The following CDH10 variants were observed in gnomAD, a reference collection of about 807,000 sequenced individuals.
The protein encoded by CDH10 is cadherin 10, also known as cadherin-10.
In CDH10, 30 loss-of-function variants were observed where a neutral mutation model predicts 73.1. The observed-to-expected ratio is 0.41, with a 90% CI of 0.31 to 0.56. The LOEUF (loss-of-function observed/expected upper bound fraction) is 0.56. CDH10 is among the 20% of genes least tolerant of loss of function. The pLI, the probability that CDH10 is intolerant of heterozygous loss-of-function variation, is 0.27. For synonymous variants in CDH10, 345 were observed against 348.2 expected, an observed-to-expected ratio of 0.99 and a Z score of 0.10; for missense variants, 815 against 973.7, an observed-to-expected ratio of 0.84 and a Z score of 2.17.
chr5:24,557,479 T>C (rs1394154548), intron 2 of CDH10, among the ~76,000 whole-genome samples: 1 of 151,778 alleles, frequency 6.6e-6, no homozygotes, highest in African/African-American at 2.4e-5. Flanking sequence ...ACATATAATT[T>C]CATGCTTAAT....
At chr5:24,507,902 T>C (rs965382585) in intron 7 of CDH10, among the ~76,000 whole-genome samples, 3 of 152,266 alleles carry the variant, frequency 2.0e-5, no homozygotes, top group African/African-American at 7.2e-5. Flanking sequence ...TGTGTGAATA[T>C]AAGAAAACAT....
At chr5:24,501,876 T>C (rs1742509522) in intron 8 of CDH10, among the ~76,000 whole-genome samples, 1 of 152,106 alleles carries the variant, frequency 6.6e-6, no homozygotes. Flanking sequence ...AGTTTATTAT[T>C]AAGTCATTGA....
intron 1 of CDH10, among the ~76,000 whole-genome samples, chr5:24,632,694 G>T (rs1419035845): frequency 6.6e-6 from 1 of 151,892 alleles, no homozygotes; most frequent in Non-Finnish European, 1.5e-5. Context: ...ATAACATAGA[G>T]ATCATTATTA....
intron 1 of CDH10, chr5:24,612,985 T>A (rs1056093679): frequency 6.6e-6 from 1 of 152,168 alleles, no homozygotes; most frequent in African/African-American, 2.4e-5. Context: ...CTCTGAGAGA[T>A]GTAATCCAAA....
intron 2 of CDH10, among the ~76,000 whole-genome samples, chr5:24,564,517 G>A (rs1224533025): frequency 6.6e-6 from 1 of 152,050 alleles, no homozygotes; most frequent in African/African-American, 2.4e-5. Context: ...GCATTCTTGG[G>A]TTCCGTGCTG....
At chr5:24,509,112 A>G (rs563560938) in intron 7 of CDH10, among the ~76,000 whole-genome samples, 3 of 151,618 alleles carry the variant, frequency 2.0e-5, no homozygotes, top group African/African-American at 7.3e-5. Flanking sequence ...TTTGTATACA[A>G]CTTATGGAAT....
intron 1 of CDH10, among the ~76,000 whole-genome samples, chr5:24,608,743 A>G (rs1396639225): frequency 1.3e-5 from 2 of 152,252 alleles, no homozygotes; most frequent in African/African-American, 2.4e-5. Context: ...AATACTTCAC[A>G]TGAACCAGAT....
chr5:24,573,394 GGAAA>G (rs1745469346), intron 2 of CDH10, among the ~76,000 whole-genome samples: 1 of 151,952 alleles, frequency 6.6e-6, no homozygotes, highest in African/African-American at 2.4e-5. Context: ...AGAATAATGA[GGAAA>G]GAAAGTTTAA....
chr5:24,494,789 T>C lies in CDH10; in HGVS notation c.1516-1864A>G, dbSNP rs1206377920. 2.6e-5 allele frequency among the ~76,000 whole-genome samples: 4 copies of C among 152,138 alleles called. No individual in the cohort carries two copies. In the East Asian group the frequency reaches 7.7e-4, roughly 29 times the overall value. On this transcript the variant is annotated intron_variant, in intron 9 of 11. Coordinates refer to ENST00000264463, the MANE Select transcript of CDH10 (RefSeq NM_006727.5). ...ATTGATTTAAAGATCAGTAGTTAAT[T>C]TATACATTTTGAATATCATAAAAGG...
At chr5:24,614,037 T>C (rs1043771176) in intron 1 of CDH10, among the ~76,000 whole-genome samples, 2 of 152,058 alleles carry the variant, frequency 1.3e-5, no homozygotes, top group African/African-American at 4.8e-5. Flanking sequence ...TCCGGAACAG[T>C]ATAACTAAGT....
At chr5:24,496,274 A>G (rs1406653830) in intron 9 of CDH10, among the ~76,000 whole-genome samples, 1 of 152,144 alleles carries the variant, frequency 6.6e-6, no homozygotes, top group African/African-American at 2.4e-5. Context: ...GAAGATTAAA[A>G]TCATTAAAAT....
intron 5 of CDH10, among the ~76,000 whole-genome samples, chr5:24,513,029 TC>T (rs1742979178): frequency 7.0e-6 from 1 of 142,762 alleles, no homozygotes; most frequent in Non-Finnish European, 1.5e-5. Context: ...TTGTTTCTTT[TC>T]TTTTTTTTTC....
intron 2 of CDH10, among the ~76,000 whole-genome samples, chr5:24,566,184 G>A (rs970720114): frequency 6.6e-6 from 1 of 151,970 alleles, no homozygotes; most frequent in Admixed American, 6.6e-5. Flanking sequence ...AAGCACCTGG[G>A]ATTACAGACA....
At chr5:24,523,970 T>C (rs1743433066) in intron 5 of CDH10, among the ~76,000 whole-genome samples, 1 of 152,066 alleles carries the variant, frequency 6.6e-6, no homozygotes, top group East Asian at 1.9e-4. Flanking sequence ...AGATGGGTTG[T>C]GTGTGTGTGC....
chr5:24,546,425 A>G lies in CDH10; in HGVS notation c.232-8751T>C, dbSNP rs368532353. Among the ~76,000 whole-genome samples the G allele has an allele frequency of 1.5e-4, 23 of 152,292 alleles. No individual in the cohort carries two copies. The South Asian group carries it at 4.8e-3, about 32-fold the overall frequency. ...ATATTCATATCTTCATCAGATGAATATACCTATCCCCAAACATATCAATGT... is the reference window on the plus strand; with the variant it reads ...ATATTCATATCTTCATCAGATGAATGTACCTATCCCCAAACATATCAATGT... On this transcript the variant is annotated intron_variant, in intron 2 of 11. Coordinates refer to ENST00000264463, the MANE Select transcript of CDH10 (RefSeq NM_006727.5).
At chr5:24,526,158 A>C (rs922780610) in intron 5 of CDH10, among the ~76,000 whole-genome samples, 1 of 151,926 alleles carries the variant, frequency 6.6e-6, no homozygotes, top group Non-Finnish European at 1.5e-5. Flanking sequence ...CTAAATTTAT[A>C]CCTACTGAGG....
chr5:24,505,302 G>GA, intron 7 of CDH10, 54 bp from the exon 8 acceptor site: 1 of 1,475,404 alleles, frequency 6.8e-7, no homozygotes, highest in Admixed American at 1.7e-5. Flanking sequence ...TAGTTTGCAG[G>GA]AAAAAATAGT....
chr5:24,571,699 T>C (rs1455007792), intron 2 of CDH10, among the ~76,000 whole-genome samples: 3 of 131,940 alleles, frequency 2.3e-5, no homozygotes, highest in Non-Finnish European at 5.4e-5. Context: ...ATAATAGCAA[T>C]AGTTCTATGA....
intron 5 of CDH10, 117 bp downstream of exon 5, chr5:24,534,995 C>G: frequency 1.1e-6 from 1 of 923,080 alleles, no homozygotes; most frequent in Middle Eastern, 2.6e-4. Flanking sequence ...ATCACATTTT[C>G]AATATGTTTT....
Sources: gnomAD v4.1 joint callset for allele counts (sites outside exome capture counted in the v4.1 genomes callset) on GRCh38, gnomAD v4.1.1 for gene constraint, MANE v1.5 for transcripts, NCBI Gene and HGNC (gene_info 2026-07-23, HGNC 2026-07-21) for gene names.